The following SCGB2B2 variants were observed in gnomAD, a reference collection of about 807,000 sequenced individuals.
The protein encoded by SCGB2B2 is secretoglobin-like protein.
In SCGB2B2, 11 loss-of-function variants were observed where a neutral mutation model predicts 7.6. The observed-to-expected ratio is 1.45, with a 90% CI of 0.91 to 2.40. The LOEUF is 2.40. SCGB2B2 is among the 30% of genes most tolerant of loss of function. The probability of loss-of-function intolerance (pLI) is 0.00; values close to 1 mark genes in which losing one functional copy is unlikely to be tolerated. For missense variants in SCGB2B2, 104 were observed against 115.4 expected (o/e 0.90, Z 0.45); for synonymous variants, 50 against 48.6 (o/e 1.03, Z -0.12).
At position 34,616,843 on chromosome 19, in the gene SCGB2B2, A is replaced by G. The variant is rs537367427; in HGVS notation, c.-2031-20249T>C. 3.9e-3 allele frequency among the ~76,000 whole-genome samples: 586 copies of G among 152,124 alleles called. 2 individuals are homozygous for G. Among genetic ancestry groups the G allele is most frequent in the African/African-American group, 0.013 (553 of 41,462 alleles). ...GGTCTAAGGTTTAAGTCTTTAATCC[A>G]TCTTGAATTAATTTTTGTATAAGGT... is the stretch of plus-strand genomic sequence containing the variant. On this transcript the variant is annotated intron_variant, in intron 1 of 3. Transcript: ENST00000601241.
intron 1 of SCGB2B2, among the ~76,000 whole-genome samples, chr19:34,604,974 C>T (rs1488212374): frequency 6.6e-6 from 1 of 152,144 alleles, no homozygotes; most frequent in African/African-American, 2.4e-5. Context: ...AAAATATGAA[C>T]AGATTCATCT....
chr19:34,644,064 T>C (rs147973236), intron 1 of SCGB2B2, among the ~76,000 whole-genome samples: 1 of 152,378 alleles, frequency 6.6e-6, no homozygotes, highest in Non-Finnish European at 1.5e-5. Flanking sequence ...TTGTGATTTA[T>C]GATTTGTGAT....
At chr19:34,610,008 A>G (rs1344299017) in intron 1 of SCGB2B2, among the ~76,000 whole-genome samples, 2 of 152,002 alleles carry the variant, frequency 1.3e-5, no homozygotes, top group Non-Finnish European at 2.9e-5. Flanking sequence ...TCAATGTTTT[A>G]TAGCTTTTTT....
At chr19:34,649,668 G>C (rs1223686780) in intron 1 of SCGB2B2, among the ~76,000 whole-genome samples, 1 of 152,076 alleles carries the variant, frequency 6.6e-6, no homozygotes, top group Non-Finnish European at 1.5e-5. Context: ...GACCAACATG[G>C]TGAAACCCCG....
At chr19:34,666,933 C>G (rs1024890449) in intron 1 of SCGB2B2, among the ~76,000 whole-genome samples, 2 of 152,014 alleles carry the variant, frequency 1.3e-5, no homozygotes, top group Non-Finnish European at 2.9e-5. Flanking sequence ...AGTTTCTGAC[C>G]GAGGACAAGG....
rs1035469261 is a variant in SCGB2B2, at chr19:34,676,344, C to A, written c.-2746G>T. 8 of 152,218 alleles carry A rather than the reference C, an allele frequency of 5.3e-5. No homozygotes were observed. Among genetic ancestry groups the A allele is most frequent in the African/African-American group, 1.9e-4 (8 of 41,460 alleles). 9.4% of individuals were successfully genotyped at this position (152,218 alleles called of 1,614,324 possible). A position where few individuals can be genotyped will look rare whatever the true frequency, so the allele number is the denominator to read the frequency against. ...TTAGCACGCTAAGAGAAACGCTCAT[C>A]AGTGCCATGGCAATTTACAAATGCC... On this transcript the variant is annotated 5_prime_UTR_variant, in exon 1 of 4. Transcript: ENST00000601241.
chr19:34,643,865 T>C (rs1388691917), intron 1 of SCGB2B2, among the ~76,000 whole-genome samples: 2 of 151,438 alleles, frequency 1.3e-5, no homozygotes, highest in Admixed American at 6.6e-5. Flanking sequence ...AGATGGACAA[T>C]GTGAGGTCTA....
At chr19:34,654,548 C>A (rs1479886812) in intron 1 of SCGB2B2, among the ~76,000 whole-genome samples, 2 of 151,184 alleles carry the variant, frequency 1.3e-5, no homozygotes, top group Non-Finnish European at 2.9e-5. Flanking sequence ...CACAGATATG[C>A]AACTTCTCCA....
rs1341725550 is a variant in SCGB2B2 at position 34,602,905 on chromosome 19, C to CTGAT, written c.-2031-6315_-2031-6312dup. On this transcript the variant is annotated intron_variant, in intron 1 of 3. Coordinates refer to ENST00000601241, the MANE Select transcript of SCGB2B2 (RefSeq NM_001025591.4). ...TTGCCATTTCTTTCCTGCAGGGACA[C>CTGAT]TGATGGATACAGAGAATGAACCATC... 9.2e-5 allele frequency among the ~76,000 whole-genome samples: 14 copies of CTGAT among 152,288 alleles called. No homozygotes were observed. In the Middle Eastern group the frequency reaches 0.01, roughly 111 times the overall value.
At chr19:34,636,076 CTG>C (rs2066669909) in intron 1 of SCGB2B2, among the ~76,000 whole-genome samples, 1 of 152,214 alleles carries the variant, frequency 6.6e-6, no homozygotes. Flanking sequence ...GAGCCCTGAC[CTG>C]TGACACTCCT....
chr19:34,624,613 T>C (rs2066319724), intron 1 of SCGB2B2, among the ~76,000 whole-genome samples: 1 of 152,108 alleles, frequency 6.6e-6, no homozygotes, highest in African/African-American at 2.4e-5. Context: ...GAAAATGTGA[T>C]AGGAAAGTCT....
At chr19:34,625,274 A>G (rs999203408) in intron 1 of SCGB2B2, among the ~76,000 whole-genome samples, 1 of 152,158 alleles carries the variant, frequency 6.6e-6, no homozygotes, top group African/African-American at 2.4e-5. Context: ...TAGTGGGTGC[A>G]GGACAGTGGG....
At chr19:34,622,746 G>C (rs1375847205) in intron 1 of SCGB2B2, among the ~76,000 whole-genome samples, 1 of 152,144 alleles carries the variant, frequency 6.6e-6, no homozygotes, top group African/African-American at 2.4e-5. Context: ...AAATCAGAGA[G>C]ATCTTTGGAC....
chr19:34,627,077 C>T (rs2066398017), intron 1 of SCGB2B2, among the ~76,000 whole-genome samples: 2 of 152,132 alleles, frequency 1.3e-5, no homozygotes, highest in African/African-American at 4.8e-5. Flanking sequence ...TTGTCACCAC[C>T]AGGCCTGCCC....
At chr19:34,652,871 A>T (rs2146085760) in intron 1 of SCGB2B2, among the ~76,000 whole-genome samples, 1 of 151,556 alleles carries the variant, frequency 6.6e-6, no homozygotes, top group Non-Finnish European at 1.5e-5. Context: ...TCCAGGCAAA[A>T]GGAAATCAGT....
intron 1 of SCGB2B2, among the ~76,000 whole-genome samples, chr19:34,643,076 G>A (rs1403669400): frequency 1.3e-5 from 2 of 152,298 alleles, no homozygotes; most frequent in Non-Finnish European, 2.9e-5. Flanking sequence ...CCGAAAAGGA[G>A]GAAGTCAGTC....
At chr19:34,645,664 G>A (rs2066990363) in intron 1 of SCGB2B2, 1 of 390,348 alleles carries the variant, frequency 2.6e-6, no homozygotes, top group Non-Finnish European at 5.2e-6. Context: ...CCACTGTCAT[G>A]AGGATGACAC....
intron 1 of SCGB2B2, among the ~76,000 whole-genome samples, chr19:34,631,258 G>GT (rs1349742342): frequency 1.3e-5 from 2 of 151,104 alleles, no homozygotes; most frequent in Non-Finnish European, 2.9e-5. Context: ...AAAACTTAAA[G>GT]TGTAATAAAA....
At chr19:34,668,255 G>T (rs1162718749) in intron 1 of SCGB2B2, among the ~76,000 whole-genome samples, 2 of 152,218 alleles carry the variant, frequency 1.3e-5, no homozygotes, top group Non-Finnish European at 2.9e-5. Context: ...GGAGTTCCCG[G>T]TGGGCGTGGG....
Sources: allele counts gnomAD v4.1 joint callset (sites outside exome capture counted in the v4.1 genomes callset), GRCh38; gene constraint gnomAD v4.1.1; transcripts MANE v1.5; gene names NCBI Gene and HGNC (gene_info 2026-07-23, HGNC 2026-07-21).